The following SYTL2 variants were observed in gnomAD, a reference collection of about 807,000 sequenced individuals.
SYTL2 encodes synaptotagmin like 2.
Under a neutral mutation model 198.7 loss-of-function variants are expected in SYTL2, and 165 were observed. The observed-to-expected ratio is 0.83, with a 90% confidence interval of 0.73 to 0.94. The LOEUF is 0.94. Among genes scored for constraint, SYTL2 ranks in the 40% least tolerant of loss-of-function variants. The pLI, the probability that SYTL2 is intolerant of heterozygous loss-of-function variation, is 0.00. For synonymous variants in SYTL2, 966 were observed against 917.7 expected (o/e 1.05, Z -0.95); for missense variants, 2,835 against 2,582.8 (o/e 1.10, Z -2.12).
Position 85,740,004 on chromosome 11 carries a change from C to G in SYTL2, c.390-2348G>C, listed in dbSNP as rs113355325. On this transcript the variant is annotated intron_variant, in intron 4 of 19. Transcript: ENST00000359152. ...ACTCTATTGGCCTCACATTTGGCTT[C>G]CTGACTCCCAAGTTCCACTCTCCTA... Among the ~76,000 whole-genome samples the G allele has an allele frequency of 6.6e-3, 1,003 of 152,276 alleles. 12 individuals are homozygous for G. The highest frequency in any genetic ancestry group is 0.023 in the African/African-American group (950 of 41,546).
chr11:85,821,291 T>A, the SYTL2 span, among the ~76,000 whole-genome samples: 2 of 152,218 alleles, frequency 1.3e-5, no homozygotes, highest in Admixed American at 1.3e-4. Context: ...GAGCATCTTA[T>A]AGATTCTAAA....
intron 14 of SYTL2, chr11:85,708,133 A>T: frequency 2.3e-6 from 1 of 438,582 alleles, no homozygotes; most frequent in Non-Finnish European, 4.5e-6. Context: ...AGCCTGGGCA[A>T]CAACAGTGAA....
chr11:85,779,036 G>A (rs1002387301), intron 1 of SYTL2, among the ~76,000 whole-genome samples: 3 of 151,924 alleles, frequency 2.0e-5, no homozygotes, highest in African/African-American at 7.3e-5. Flanking sequence ...ATTCTGTAGT[G>A]TACTATACTA....
chr11:85,800,178 A>G (rs1392985996), intron 1 of SYTL2, among the ~76,000 whole-genome samples: 6 of 152,166 alleles, frequency 3.9e-5, no homozygotes, highest in Non-Finnish European at 8.8e-5. Flanking sequence ...ACCAGAATCT[A>G]TCAAAGGACT....
chr11:85,811,438 GTTATTA>G (rs1282602288), upstream of SYTL2, among the ~76,000 whole-genome samples: 1 of 152,146 alleles, frequency 6.6e-6, no homozygotes, highest in Non-Finnish European at 1.5e-5. Context: ...TGTTGTTATT[GTTATTA>G]TTATTTTTAT....
chr11:85,835,555 C>T, the SYTL2 span, among the ~76,000 whole-genome samples: 4 of 152,146 alleles, frequency 2.6e-5, no homozygotes, highest in Non-Finnish European at 4.4e-5. Context: ...TATACAAATG[C>T]TTATTTGGGC....
At chr11:85,802,672 A>G (rs2092908100) in intron 1 of SYTL2, among the ~76,000 whole-genome samples, 1 of 152,232 alleles carries the variant, frequency 6.6e-6, no homozygotes, top group African/African-American at 2.4e-5. Context: ...GAAGAGAGAA[A>G]GGAAAGGAAG....
rs1174067355 is a variant in SYTL2, at chr11:85,706,129, A to G, written c.6019-1101T>C. Among the ~76,000 whole-genome samples the G allele has an allele frequency of 6.6e-5, 10 of 152,316 alleles. No homozygotes were observed. The East Asian group carries it at 1.9e-3, about 29-fold the overall frequency. On this transcript the variant is annotated intron_variant, in intron 15 of 19. Transcript: ENST00000359152. The stretch of plus-strand genomic sequence containing the variant: ...ATCTGTCCATTTATCTTTCCAGTAA[A>G]CATATTTTGAATACCTATCCCAGAT...
intron 6 of SYTL2, among the ~76,000 whole-genome samples, chr11:85,735,772 A>G (rs185027168): frequency 6.6e-6 from 1 of 152,288 alleles, no homozygotes; most frequent in Non-Finnish European, 1.5e-5. Context: ...AAAAAAAAGA[A>G]AAGTTAAAAA....
chr11:85,748,226 T>C, intron 3 of SYTL2, 46 bp downstream of exon 3: 1 of 1,591,364 alleles, frequency 6.3e-7, no homozygotes, highest in Non-Finnish European at 8.6e-7. Flanking sequence ...CGCTCCTCCT[T>C]CCCAAACGAA....
chr11:85,842,822 T>C, the SYTL2 span, among the ~76,000 whole-genome samples: 1 of 152,112 alleles, frequency 6.6e-6, no homozygotes, highest in African/African-American at 2.4e-5. Context: ...GATAGCTGGG[T>C]AGGAAGCCAT....
chr11:85,811,141 T>A lies in SYTL2; in HGVS notation c.-577A>T, dbSNP rs886068913. On this transcript the variant is annotated 5_prime_UTR_variant, in exon 1 of 20. Coordinates refer to ENST00000359152, the MANE Select transcript of SYTL2 (RefSeq NM_206927.4). ...GCACGGCCCGGGTGTCGCCCGGCAC[T>A]GTCAACGCAGAGCGGCGTGCGCGAG... The A allele has an allele frequency of 2.0e-5, 3 of 152,002 alleles. No homozygotes were observed. Among genetic ancestry groups the A allele is most frequent in the African/African-American group, 7.2e-5 (3 of 41,382 alleles). 9.4% of individuals were successfully genotyped at this position (152,002 alleles called of 1,614,324 possible).
At chr11:85,787,701 CTTTT>C (rs56177666) in intron 1 of SYTL2, among the ~76,000 whole-genome samples, 2 of 90,398 alleles carry the variant, frequency 2.2e-5, no homozygotes, top group Non-Finnish European at 4.9e-5. Context: ...TTTTCTTTTC[CTTTT>C]TTTTTTTTTT....
chr11:85,704,801 A>T, intron 16 of SYTL2, 57 bp downstream of exon 16: 2 of 1,444,802 alleles, frequency 1.4e-6, no homozygotes, highest in Non-Finnish European at 9.6e-7. Context: ...GCTTTTTCCT[A>T]TACACTAGGT....
chr11:85,850,190 G>A, the SYTL2 span, among the ~76,000 whole-genome samples: 1 of 148,254 alleles, frequency 6.7e-6, no homozygotes, highest in Non-Finnish European at 1.5e-5. Flanking sequence ...ATTTTGGGCT[G>A]AGACAATGGG....
At chr11:85,771,916 T>A (rs536180182) in intron 1 of SYTL2, among the ~76,000 whole-genome samples, 52 of 149,584 alleles carry the variant, frequency 3.5e-4, no homozygotes, top group Middle Eastern at 3.5e-3. Flanking sequence ...ATATATATAT[T>A]TTTTGAGACA....
At chr11:85,808,415 A>T (rs1162043633) in intron 1 of SYTL2, among the ~76,000 whole-genome samples, 1 of 152,066 alleles carries the variant, frequency 6.6e-6, no homozygotes, top group Non-Finnish European at 1.5e-5. Context: ...TCTACAATGA[A>T]TATGTTTAGT....
chr11:85,842,354 C>T, the SYTL2 span, among the ~76,000 whole-genome samples: 2 of 152,204 alleles, frequency 1.3e-5, no homozygotes, highest in African/African-American at 2.4e-5. Context: ...GCCGGGGAAT[C>T]GATGCCCTCA....
intron 1 of SYTL2, among the ~76,000 whole-genome samples, chr11:85,803,919 T>C (rs369546313): frequency 6.6e-6 from 1 of 152,228 alleles, no homozygotes. Context: ...ATGCACTAGA[T>C]AGATAACAGA....
Sources: gnomAD v4.1 joint callset for allele counts (sites outside exome capture counted in the v4.1 genomes callset) on GRCh38, gnomAD v4.1.1 for gene constraint, MANE v1.5 for transcripts, NCBI Gene and HGNC (gene_info 2026-07-23, HGNC 2026-07-21) for gene names.